Variants in SYNE2 observed in about 807,000 individuals in gnomAD.
SYNE2 encodes the protein spectrin repeat containing nuclear envelope protein 2.
SYNE2 carries 431 observed loss-of-function variants against 856.3 expected under a neutral mutation model. The observed-to-expected ratio is 0.50, with a 90% CI of 0.47 to 0.55. SYNE2 has a LOEUF of 0.55. SYNE2 is among the 20% of genes least tolerant of loss of function. The probability of loss-of-function intolerance (pLI) is 0.00; values close to 1 mark genes in which losing one functional copy is unlikely to be tolerated. For synonymous variants in SYNE2, 2,923 were observed against 2,872.3 expected (o/e 1.02, Z -0.56); for missense variants, 8,129 against 8,023.2 (o/e 1.01, Z -0.50).
Position 63,763,175 on chromosome 14 carries a change from T to A in SYNE2, c.-305+1189T>A, listed in dbSNP as rs181821979. Among the ~76,000 whole-genome samples, 757 of 151,952 alleles carry A rather than the reference T, an allele frequency of 5.0e-3. 9 individuals are homozygous for A. Among genetic ancestry groups the A allele is most frequent in the African/African-American group, 0.017 (705 of 41,482 alleles). ...TAGAGACAGGGTTTCACCATATTGG[T>A]CAGGCTGGTCTCAAACTCCTGACCT... is the stretch of plus-strand genomic sequence containing the variant. On this transcript the variant is annotated intron_variant, in intron 1 of 23. Transcript: ENST00000674003.
chr14:64,126,371 G>A lies in SYNE2; in HGVS notation c.13599G>A (p.Leu4533=). The A allele has an allele frequency of 2.5e-6, 4 of 1,614,122 alleles. No homozygotes were observed. Among genetic ancestry groups the A allele is most frequent in the Non-Finnish European group, 3.4e-6 (4 of 1,179,978 alleles). ...CATATATCAATTTGGATAAAAAATT[G>A]TTTGAACTATTCCTGACCCTCAGTC... The part of the protein sequence containing the change: ...EEAYINLDKK[L]FELFLTLSQC... Residue 4533 remains leucine, a synonymous_variant, in exon 72 of 116, where the codon TTG becomes TTA. Coordinates refer to ENST00000555002, the MANE Select transcript of SYNE2 (RefSeq NM_182914.3).
At chr14:63,943,756 C>T (rs1393659772) in intron 6 of SYNE2, among the ~76,000 whole-genome samples, 13 of 151,654 alleles carry the variant, frequency 8.6e-5, no homozygotes, top group East Asian at 1.9e-4. Flanking sequence ...CTGCAACCTC[C>T]GCCTCCTGGG....
rs952134628 is a variant in SYNE2 at position 64,173,798 on chromosome 14, AATTTTTC to A, written c.17236-1145_17236-1139del. ...TATTTAGAACAGACAAAAACTATTT[AATTTTTC>A]CTCTAAAACCAAATGCCTTTGGGAG... is the stretch of plus-strand genomic sequence containing the variant. On this transcript the variant is annotated intron_variant, in intron 94 of 115. Transcript: ENST00000555002. 84 of 549,202 alleles carry A rather than the reference AATTTTTC, an allele frequency of 1.5e-4. 1 individual carries two copies. The highest frequency in any genetic ancestry group is 7.0e-5 in the Admixed American group (2 of 28,584). 34.0% of individuals were successfully genotyped at this position (549,202 alleles called of 1,614,324 possible). A position where few individuals can be genotyped will look rare whatever the true frequency, so the allele number is the denominator to read the frequency against.
At chr14:64,147,225 G>C (rs764207494) in intron 84 of SYNE2, among the ~76,000 whole-genome samples, 2 of 152,112 alleles carry the variant, frequency 1.3e-5, no homozygotes, top group Non-Finnish European at 2.9e-5. Flanking sequence ...AGTCTGTCTC[G>C]GTCAGGCCGG....
rs188593042 is a variant in SYNE2, at chr14:63,943,960, C to T, written c.408+1817C>T. Among the ~76,000 whole-genome samples, 432 of 152,072 alleles carry T rather than the reference C, an allele frequency of 2.8e-3. 4 individuals carry two copies. Among genetic ancestry groups the T allele is most frequent in the African/African-American group, 0.01 (422 of 41,524 alleles). On this transcript the variant is annotated intron_variant, in intron 6 of 115. Coordinates refer to ENST00000555002, the MANE Select transcript of SYNE2 (RefSeq NM_182914.3). ...CTGGGATTACAGGTGTGAGCCAGCA[C>T]GCCTGGCCTGTGTTTTATTTCTTTA...
chr14:64,222,368 C>T (rs1051056051), intron 112 of SYNE2, among the ~76,000 whole-genome samples: 5 of 152,150 alleles, frequency 3.3e-5, no homozygotes, highest in African/African-American at 1.2e-4. Context: ...GCTTAAAGCA[C>T]CTGAAATGTG....
chr14:63,796,935 C>T (rs1049493379), intron 1 of SYNE2, among the ~76,000 whole-genome samples: 3 of 151,648 alleles, frequency 2.0e-5, no homozygotes, highest in South Asian at 4.2e-4. Context: ...AAAAATTAGC[C>T]GGGTGTGGTG....
chr14:63,836,198 A>AT (rs1485473879), intron 1 of SYNE2, among the ~76,000 whole-genome samples: 3 of 151,676 alleles, frequency 2.0e-5, no homozygotes, highest in East Asian at 3.9e-4. Flanking sequence ...ATTTTTTGGT[A>AT]TTTTTTGTAG....
chr14:64,108,129 A>G (rs1365471795), intron 65 of SYNE2, among the ~76,000 whole-genome samples: 1 of 152,162 alleles, frequency 6.6e-6, no homozygotes, highest in Non-Finnish European at 1.5e-5. Flanking sequence ...CAGGTGGATC[A>G]CCTGATGTCA....
intron 106 of SYNE2, among the ~76,000 whole-genome samples, 191 bp from the exon 107 acceptor site, chr14:64,215,095 C>T (rs1342488606): frequency 6.6e-6 from 1 of 152,004 alleles, no homozygotes; most frequent in Non-Finnish European, 1.5e-5. Context: ...CCCTTTGATA[C>T]CCAGTGTCCT....
intron 1 of SYNE2, among the ~76,000 whole-genome samples, chr14:63,837,323 G>A (rs1889891597): frequency 6.6e-6 from 1 of 152,120 alleles, no homozygotes; most frequent in Admixed American, 6.6e-5. Context: ...TAAAAAGGAA[G>A]AGCTAAAACT....
chr14:64,016,621 G>T lies in SYNE2; in HGVS notation c.4877G>T (p.Arg1626Ile), dbSNP rs768647139. 3 of 1,591,930 alleles carry T rather than the reference G, an allele frequency of 1.9e-6. No individual in the cohort carries two copies. Among genetic ancestry groups the T allele is most frequent in the Non-Finnish European group, 2.6e-6 (3 of 1,163,684 alleles). The change falls in exon 33 of 116, where the codon AGA becomes ATA. Residue 1626 changes from arginine to isoleucine, a missense_variant. Physicochemically the swap from Arg to Ile is moderately conservative, Grantham distance 97 (BLOSUM62 -3). Transcript: ENST00000555002. ...AAAGAGGCTAATATTATTGTGGATAGATGGCTTGATGTAAGTGATAATTTC... is the reference window on the plus strand; with the variant it reads ...AAAGAGGCTAATATTATTGTGGATATATGGCTTGATGTAAGTGATAATTTC... ...FEKEANIIVDRWLDINEKTED... is the reference protein window; with the variant it reads ...FEKEANIIVDIWLDINEKTED...
At chr14:64,224,010 CTGT>C (rs1373015542) in intron 113 of SYNE2, among the ~76,000 whole-genome samples, 11 of 151,908 alleles carry the variant, frequency 7.2e-5, no homozygotes, top group East Asian at 3.9e-4. Context: ...CCGAAAAAGT[CTGT>C]TGTTGTTGGG....
chr14:63,998,282 A>C lies in SYNE2; in HGVS notation c.3307A>C (p.Ile1103Leu), dbSNP rs755663455. The C allele has an allele frequency of 6.2e-7, 1 of 1,614,086 alleles. No individual in the cohort carries two copies. Among genetic ancestry groups the C allele is most frequent in the East Asian group, 2.2e-5 (1 of 44,850 alleles). The change falls in exon 26 of 116, where the codon ATT (isoleucine) becomes CTT (leucine). Residue 1103 changes from isoleucine to leucine, a missense_variant. Transcript: ENST00000555002. ...SVLRPLQEES[I>L]MEKDYSASIN... is the part of the protein sequence containing the mutation. ...GTTAAGGCCTCTGCAAGAAGAAAGC[A>C]TTATGGAAAAGGATTACAGTGCATC...
chr14:64,149,142 CA>C lies in SYNE2; in HGVS notation c.15639+2931del, dbSNP rs542725661. Among the ~76,000 whole-genome samples, 1,306 of 140,118 alleles carry C rather than the reference CA, an allele frequency of 9.3e-3. 10 individuals carry two copies. Among genetic ancestry groups the C allele is most frequent in the African/African-American group, 0.02 (786 of 38,604 alleles). The allele number at this position is 140,118 out of a possible 152,430, so 91.9% of individuals were successfully genotyped here. A position where few individuals can be genotyped will look rare whatever the true frequency, so the allele number is the denominator to read the frequency against. ...GGGCAACATAAGACCCAGTCTCTACCAAAAAAAAAAAAGTTATCTGGGCATA... is the reference window on the plus strand; with the variant it reads ...GGGCAACATAAGACCCAGTCTCTACCAAAAAAAAAAAGTTATCTGGGCATA... On this transcript the variant is annotated intron_variant, in intron 84 of 115. Coordinates refer to ENST00000555002, the MANE Select transcript of SYNE2 (RefSeq NM_182914.3).
At chr14:64,120,095 G>T (rs2097886888) in intron 67 of SYNE2, among the ~76,000 whole-genome samples, 1 of 152,150 alleles carries the variant, frequency 6.6e-6, no homozygotes, top group African/African-American at 2.4e-5. Context: ...AAAGCACTCT[G>T]TGTTTATAAA....
intron 106 of SYNE2, among the ~76,000 whole-genome samples, chr14:64,214,889 G>A (rs568170313): frequency 1.8e-4 from 27 of 152,178 alleles, no homozygotes; most frequent in Non-Finnish European, 2.6e-4. Flanking sequence ...ATAGGTACAC[G>A]CCACCACACC....
At position 64,031,243 on chromosome 14, in the gene SYNE2, G is replaced by A. The variant is rs1295579955; in HGVS notation, c.7107G>A (p.Lys2369=). Residue 2369 remains lysine (K), a synonymous_variant, in exon 45 of 116, where the codon AAG becomes AAA. Transcript: ENST00000555002. ...TCAAATCAAAACGCTCAACAGAAAA[G>A]AAAGGAAAGTTTACTCTGCCAGGCA... ...SILKSKRSTE[K]KGKFTLPGRE... 2.5e-6 allele frequency: 4 copies of A among 1,613,932 alleles called. No individual in the cohort carries two copies. The highest frequency in any genetic ancestry group is 3.4e-6 in the Non-Finnish European group (4 of 1,179,940).
At chr14:63,940,186 T>TC (rs550359911) in intron 2 of SYNE2, among the ~76,000 whole-genome samples, 55 of 151,526 alleles carry the variant, frequency 3.6e-4, no homozygotes, top group Non-Finnish European at 6.6e-4. Flanking sequence ...CAAGCCATCT[T>TC]CCCCCCTCAC....
Sources: gnomAD v4.1 joint callset for allele counts (sites outside exome capture counted in the v4.1 genomes callset) on GRCh38, gnomAD v4.1.1 for gene constraint, MANE v1.5 for transcripts, NCBI Gene and HGNC (gene_info 2026-07-23, HGNC 2026-07-21) for gene names.